Variants in PALM2AKAP2 observed in about 807,000 individuals in gnomAD.
The protein encoded by PALM2AKAP2 is PALM2-AKAP2 fusion protein.
Under a neutral mutation model 71.5 loss-of-function variants are expected in PALM2AKAP2, and 37 were observed. The observed-to-expected ratio is 0.52, with a 90% CI of 0.40 to 0.68. PALM2AKAP2 has a LOEUF of 0.68. PALM2AKAP2 is among the 30% of genes least tolerant of loss of function. The pLI, the probability that PALM2AKAP2 is intolerant of heterozygous loss-of-function variation, is 0.00. For synonymous variants in PALM2AKAP2, 468 were observed against 478.8 expected, an observed-to-expected ratio of 0.98 and a Z score of 0.29; for missense variants, 1,224 against 1,191.8, an observed-to-expected ratio of 1.03 and a Z score of -0.40.
At chr9:109,723,275 C>G (rs1587882697) in intron 1 of PALM2AKAP2, among the ~76,000 whole-genome samples, 1 of 152,186 alleles carries the variant, frequency 6.6e-6, no homozygotes, top group East Asian at 1.9e-4. Flanking sequence ...TCCCCTGGCT[C>G]CTATAAGTCT....
intron 1 of PALM2AKAP2, among the ~76,000 whole-genome samples, chr9:109,832,187 G>A (rs1587942101): frequency 6.6e-6 from 1 of 152,212 alleles, no homozygotes; most frequent in East Asian, 1.9e-4. Flanking sequence ...TCTATGTGCT[G>A]GACAGCTTTG....
At chr9:109,765,264 C>T (rs1422483487) in intron 1 of PALM2AKAP2, 2 of 152,208 alleles carry the variant, frequency 1.3e-5, no homozygotes, top group Non-Finnish European at 2.9e-5. Flanking sequence ...CAAATTCTGG[C>T]TCTGCCACAT....
chr9:109,834,334 A>G (rs1357549746), intron 1 of PALM2AKAP2, among the ~76,000 whole-genome samples: 1 of 152,260 alleles, frequency 6.6e-6, no homozygotes, highest in African/African-American at 2.4e-5. Flanking sequence ...ATTTTGTAAC[A>G]GGCAGAAACC....
At chr9:110,159,056 T>C (rs1836532913) in intron 3 of PALM2AKAP2, among the ~76,000 whole-genome samples, 2 of 152,178 alleles carry the variant, frequency 1.3e-5, no homozygotes, top group Non-Finnish European at 2.9e-5. Context: ...CAAACATTCA[T>C]TTTTTTCCTA....
Position 109,786,070 on chromosome 9 carries a change from G to A in PALM2AKAP2, c.45+5537G>A, listed in dbSNP as rs570803887. Among the ~76,000 whole-genome samples, 3 of 152,328 alleles carry A rather than the reference G, an allele frequency of 2.0e-5. No homozygotes were observed. In the East Asian group the frequency reaches 5.8e-4, roughly 29 times the overall value. On this transcript the variant is annotated intron_variant, in intron 1 of 9. Transcript: ENST00000302798. Reference sequence around the variant, plus strand: ...ACCTGGGTATACGCTGTTGGCCTAGGCTGGCTGTGCCGTGGGCTTACAGAG... The same window carrying A: ...ACCTGGGTATACGCTGTTGGCCTAGACTGGCTGTGCCGTGGGCTTACAGAG...
chr9:110,002,763 G>A (rs1442577913), intron 6 of PALM2AKAP2, among the ~76,000 whole-genome samples: 6 of 151,942 alleles, frequency 3.9e-5, no homozygotes, highest in South Asian at 2.1e-4. Flanking sequence ...GTCTTGGGAG[G>A]GTGTATGTGT....
At chr9:109,963,363 C>T (rs1014273112) in intron 6 of PALM2AKAP2, among the ~76,000 whole-genome samples, 4 of 152,184 alleles carry the variant, frequency 2.6e-5, no homozygotes, top group African/African-American at 9.7e-5. Context: ...TTGTGTTTGG[C>T]CTTTACTGTA....
intron 1 of PALM2AKAP2, among the ~76,000 whole-genome samples, chr9:110,124,146 C>T (rs1467303610): frequency 6.6e-6 from 1 of 152,208 alleles, no homozygotes; most frequent in Non-Finnish European, 1.5e-5. Flanking sequence ...CTTTTAGCCT[C>T]CTTTTCAAAA....
intron 6 of PALM2AKAP2, among the ~76,000 whole-genome samples, chr9:110,011,014 A>AAAAAAAAAAAATAT (rs35212981): frequency 2.9e-5 from 2 of 69,588 alleles, no homozygotes; most frequent in African/African-American, 1.6e-4. Context: ...AAAAAAAAAA[A>AAAAAAAAAAAATAT]ATATATATAT....
At chr9:109,782,475 T>C (rs1826831057) in intron 1 of PALM2AKAP2, among the ~76,000 whole-genome samples, 1 of 152,192 alleles carries the variant, frequency 6.6e-6, no homozygotes, top group African/African-American at 2.4e-5. Flanking sequence ...ATGTACAGAC[T>C]TTTTCTTGTC....
chr9:109,720,569 G>T (rs1423910141), intron 1 of PALM2AKAP2, among the ~76,000 whole-genome samples: 1 of 152,162 alleles, frequency 6.6e-6, no homozygotes, highest in Admixed American at 6.5e-5. Flanking sequence ...ATGAGAAGAA[G>T]CCAAGGATAA....
chr9:110,114,401 C>A (rs1013880703), intron 1 of PALM2AKAP2, among the ~76,000 whole-genome samples: 4 of 152,182 alleles, frequency 2.6e-5, no homozygotes, highest in African/African-American at 9.7e-5. Flanking sequence ...CAAATTATAT[C>A]CGCAAAGATC....
intron 2 of PALM2AKAP2, 121 bp downstream of exon 8, chr9:110,138,660 A>G: frequency 1.4e-6 from 2 of 1,432,676 alleles, no homozygotes; most frequent in Non-Finnish European, 1.8e-6. Context: ...TTGGGGGGAC[A>G]CTGGCATGAG....
intron 1 of PALM2AKAP2, among the ~76,000 whole-genome samples, chr9:109,802,942 A>G (rs1587921990): frequency 6.8e-6 from 1 of 146,712 alleles, no homozygotes; most frequent in Admixed American, 6.7e-5. Flanking sequence ...GAAAGGTAGG[A>G]ATCCGGGTCT....
chr9:109,932,107 C>A lies in PALM2AKAP2; in HGVS notation c.496+79C>A, dbSNP rs1260689656. 3 of 1,386,112 alleles carry A rather than the reference C, an allele frequency of 2.2e-6. No homozygotes were observed. The East Asian group carries it at 7.3e-5, about 34-fold the overall frequency. The allele number at this position is 1,386,112 out of a possible 1,614,324, so 85.9% of individuals were successfully genotyped here. A position where few individuals can be genotyped will look rare whatever the true frequency, so the allele number is the denominator to read the frequency against. On this transcript the variant is annotated intron_variant, in intron 6 of 9. Coordinates refer to the PALM2AKAP2 transcript ENST00000302798. ...CTGAGCTTTATTAATGAGATGAGTG[C>A]CCTGCTATCCTTACATAGGGGGAGC...
intron 2 of PALM2AKAP2, among the ~76,000 whole-genome samples, chr9:110,154,023 G>A (rs1472020236): frequency 6.6e-6 from 1 of 152,080 alleles, no homozygotes; most frequent in Non-Finnish European, 1.5e-5. Context: ...AATTAACCTG[G>A]TAATTGGTGT....
intron 2 of PALM2AKAP2, among the ~76,000 whole-genome samples, chr9:109,868,262 A>G (rs1468380114): frequency 1.3e-5 from 2 of 152,174 alleles, no homozygotes; most frequent in African/African-American, 4.8e-5. Context: ...ATCGTAATTG[A>G]TTACAGCTCA....
At chr9:109,959,518 G>A (rs1312743465) in intron 6 of PALM2AKAP2, among the ~76,000 whole-genome samples, 1 of 151,816 alleles carries the variant, frequency 6.6e-6, no homozygotes, top group African/African-American at 2.4e-5. Flanking sequence ...GGTGGCGGGC[G>A]CCTGTAGTCC....
intron 6 of PALM2AKAP2, among the ~76,000 whole-genome samples, chr9:109,974,880 T>A (rs983054726): frequency 1.3e-5 from 2 of 152,164 alleles, no homozygotes; most frequent in Admixed American, 1.3e-4. Context: ...CCTCTTGGGA[T>A]GCAAAAGGCA....
Sources: allele counts gnomAD v4.1 joint callset (sites outside exome capture counted in the v4.1 genomes callset), GRCh38; gene constraint gnomAD v4.1.1; transcripts MANE v1.5; gene names NCBI Gene and HGNC (gene_info 2026-07-23, HGNC 2026-07-21).